The following ATAD2B variants were observed in gnomAD, a reference collection of about 807,000 sequenced individuals.
ATAD2B encodes ATPase family AAA domain-containing protein 2B.
Under a neutral mutation model 167.6 loss-of-function variants are expected in ATAD2B, and 40 were observed. The observed-to-expected ratio is 0.24, with a 90% CI of 0.19 to 0.31. ATAD2B has a LOEUF of 0.31. ATAD2B is among the 10% of genes least tolerant of loss of function. The pLI is 1.00. For synonymous variants in ATAD2B, 579 were observed against 596.5 expected (o/e 0.97, Z 0.43); for missense variants, 1,242 against 1,757.2 (o/e 0.71, Z 5.24).
the ATAD2B span, among the ~76,000 whole-genome samples, chr2:23,736,436 A>G: frequency 6.6e-6 from 1 of 152,214 alleles, no homozygotes; most frequent in Admixed American, 6.5e-5. Flanking sequence ...AAACAGGAAA[A>G]GCAACTTGGA....
At chr2:23,905,077 GTTAGT>G (rs999067881) in intron 1 of ATAD2B, among the ~76,000 whole-genome samples, 2 of 152,122 alleles carry the variant, frequency 1.3e-5, no homozygotes, top group African/African-American at 2.4e-5. Flanking sequence ...GAAGCGACCT[GTTAGT>G]TTAGGAGATA....
At chr2:23,835,050 T>A (rs757285000) in intron 13 of ATAD2B, among the ~76,000 whole-genome samples, 1 of 152,104 alleles carries the variant, frequency 6.6e-6, no homozygotes, top group Non-Finnish European at 1.5e-5. Flanking sequence ...GACAGATAAT[T>A]AACAGCTTTT....
intron 20 of ATAD2B, among the ~76,000 whole-genome samples, 167 bp from the exon 21 acceptor site, chr2:23,786,390 T>G (rs1680813880): frequency 6.6e-6 from 1 of 152,076 alleles, no homozygotes; most frequent in African/African-American, 2.4e-5. Context: ...ATTTTGTCAT[T>G]GTGTGAACAT....
At chr2:23,723,346 A>C in the ATAD2B span, among the ~76,000 whole-genome samples, 2 of 119,040 alleles carry the variant, frequency 1.7e-5, no homozygotes, top group Non-Finnish European at 3.4e-5. Flanking sequence ...AAGGAAAGGA[A>C]GGGGAGGGGA....
the ATAD2B span, among the ~76,000 whole-genome samples, chr2:23,692,544 G>A: frequency 6.6e-5 from 10 of 152,210 alleles, no homozygotes; most frequent in Non-Finnish European, 1.5e-4. Context: ...GGGCAGATCC[G>A]TGAGGACAGA....
intron 1 of ATAD2B, among the ~76,000 whole-genome samples, chr2:23,908,948 T>C (rs904182997): frequency 4.0e-5 from 5 of 125,244 alleles, no homozygotes; most frequent in African/African-American, 1.6e-4. Flanking sequence ...TGATAACACA[T>C]GGACACAGGA....
intron 2 of ATAD2B, among the ~76,000 whole-genome samples, chr2:23,889,177 T>G (rs546024876): frequency 6.6e-6 from 1 of 152,170 alleles, no homozygotes; most frequent in Non-Finnish European, 1.5e-5. Flanking sequence ...TTCCTTTTTT[T>G]CTCCCCACAA....
At chr2:23,745,223 G>A (rs1355310845), downstream of ATAD2B, among the ~76,000 whole-genome samples, 1 of 152,026 alleles carries the variant, frequency 6.6e-6, no homozygotes, top group East Asian at 1.9e-4. Context: ...AGAGGCAGAG[G>A]CGGCAGTGAG....
chr2:23,787,987 C>T (rs375248557), intron 20 of ATAD2B, among the ~76,000 whole-genome samples: 1 of 152,048 alleles, frequency 6.6e-6, no homozygotes. Context: ...AAATCTAACA[C>T]TTAAAACAAA....
chr2:23,725,882 G>A, the ATAD2B span, among the ~76,000 whole-genome samples: 2 of 152,168 alleles, frequency 1.3e-5, no homozygotes, highest in South Asian at 4.1e-4. Flanking sequence ...GTATCAGTGA[G>A]ATTATGGAGA....
At chr2:23,763,129 A>T (rs1572653851) in intron 23 of ATAD2B, among the ~76,000 whole-genome samples, 1 of 152,178 alleles carries the variant, frequency 6.6e-6, no homozygotes, top group Admixed American at 6.5e-5. Context: ...CTACAAAACA[A>T]AACAGTTTGT....
chr2:23,681,181 C>G, the ATAD2B span, among the ~76,000 whole-genome samples: 2 of 152,236 alleles, frequency 1.3e-5, no homozygotes, highest in East Asian at 3.9e-4. This position sits in a 1 kb window ranked among gnomAD's most constrained non-coding sequence, Gnocchi z 4.2. Flanking sequence ...CCCGCACACA[C>G]CAGCCAATCG....
chr2:23,788,341 A>G, intron 20 of ATAD2B, 171 bp downstream of exon 20: 1 of 687,450 alleles, frequency 1.5e-6, no homozygotes, highest in Non-Finnish European at 2.4e-6. Flanking sequence ...ATACTTCCCA[A>G]TCTCAAGTCA....
chr2:23,743,603 G>C, the ATAD2B span, among the ~76,000 whole-genome samples: 266 of 151,822 alleles, frequency 1.8e-3, 1 homozygote, highest in African/African-American at 6.2e-3. Context: ...GATTGCTGGG[G>C]ATGAACTGAG....
chr2:23,848,278 G>A (rs1423204401), intron 13 of ATAD2B, among the ~76,000 whole-genome samples: 5 of 151,990 alleles, frequency 3.3e-5, no homozygotes, highest in Admixed American at 1.3e-4. Context: ...CAAGGCAGGC[G>A]GATCACTTGC....
intron 23 of ATAD2B, among the ~76,000 whole-genome samples, chr2:23,764,605 A>T (rs1346396277): frequency 3.3e-5 from 5 of 152,232 alleles, no homozygotes; most frequent in African/African-American, 1.2e-4. Context: ...ATCCTAAATA[A>T]GGAGGACACG....
intron 15 of ATAD2B, among the ~76,000 whole-genome samples, 183 bp from the exon 16 acceptor site, chr2:23,823,752 G>C (rs1403859524): frequency 6.6e-6 from 1 of 151,754 alleles, no homozygotes; most frequent in Non-Finnish European, 1.5e-5. Flanking sequence ...TTTGAATAAA[G>C]GGCTGAATAC....
chr2:23,920,150 CAAAA>C (rs58552045), intron 1 of ATAD2B, among the ~76,000 whole-genome samples: 2 of 139,270 alleles, frequency 1.4e-5, no homozygotes, highest in African/African-American at 2.6e-5. Context: ...GACTCTGCCT[CAAAA>C]AAAAAAAAAA....
chr2:23,908,787 C>T (rs1266935329), intron 1 of ATAD2B, among the ~76,000 whole-genome samples: 2 of 151,876 alleles, frequency 1.3e-5, no homozygotes, highest in Admixed American at 1.3e-4. Flanking sequence ...CACATATACA[C>T]CATGGAATAC....
Sources: allele counts gnomAD v4.1 joint callset (sites outside exome capture counted in the v4.1 genomes callset), GRCh38; gene constraint gnomAD v4.1.1; non-coding constraint Gnocchi (gnomAD v3.1); transcripts MANE v1.5; gene names NCBI Gene and HGNC (gene_info 2026-07-23, HGNC 2026-07-21).